The following GATA4 variants were observed in gnomAD, a reference collection of about 807,000 sequenced individuals.
GATA4 encodes GATA binding protein 4, also known as transcription factor GATA-4.
Under a neutral mutation model 37.9 loss-of-function variants are expected in GATA4, and 7 were observed. That is an observed-to-expected ratio of 0.18 (90% confidence interval 0.11 to 0.35). The LOEUF (loss-of-function observed/expected upper bound fraction) is 0.35, where lower values mean the gene tolerates loss of function less well. GATA4 is among the 10% of genes least tolerant of loss of function. GATA4 has a pLI of 1.00. For synonymous variants in GATA4, 372 were observed against 292.6 expected (o/e 1.27, Z -2.77); for missense variants, 647 against 653.0 (o/e 0.99, Z 0.10).
intron 2 of GATA4, among the ~76,000 whole-genome samples, chr8:11,726,899 C>T (rs1382124474): frequency 2.0e-5 from 3 of 152,182 alleles, no homozygotes; most frequent in Non-Finnish European, 4.4e-5. Context: ...CTTTCCCTGC[C>T]AGCTTGCAGA....
At chr8:11,725,434 A>C (rs1014837192) in intron 2 of GATA4, among the ~76,000 whole-genome samples, 23 of 152,376 alleles carry the variant, frequency 1.5e-4, no homozygotes, top group African/African-American at 5.3e-4. Flanking sequence ...CCCCACCTTC[A>C]GAAGCCTCCG....
intron 2 of GATA4, among the ~76,000 whole-genome samples, chr8:11,741,727 C>G (rs942655008): frequency 6.6e-6 from 1 of 152,202 alleles, no homozygotes; most frequent in Non-Finnish European, 1.5e-5. Flanking sequence ...GGCCAGGAAG[C>G]GTTTCCCAAG....
rs533331682 is a variant in GATA4, at chr8:11,708,358, G to T, written c.46G>T (p.Gly16Cys). Residue 16 changes from glycine (G) to cysteine (C), a missense_variant, in exon 2 of 7, where the codon GGT (glycine) becomes TGT (cysteine). Gly to Cys is a radical substitution (Grantham distance 159). Transcript: ENST00000532059. This position sits in a 1 kb window ranked among gnomAD's most constrained non-coding sequence, Gnocchi z 6.7. ...AMAANHGPPP[G>C]AYEAGGPGAF... ...GGCCGCCAACCACGGGCCGCCCCCC[G>T]GTGCCTACGAGGCGGGCGGCCCCGG... 3 of 1,580,642 alleles carry T rather than the reference G, an allele frequency of 1.9e-6. No homozygotes were observed. The African/African-American group carries it at 4.0e-5, about 21-fold the overall frequency.
chr8:11,693,199 C>G, intron 1 of GATA4: 1 of 648,364 alleles, frequency 1.5e-6, no homozygotes, highest in Non-Finnish European at 1.9e-6. Flanking sequence ...GGCGCGGTGG[C>G]GCATATTTGT....
At chr8:11,727,938 TA>T (rs1352557564) in intron 2 of GATA4, among the ~76,000 whole-genome samples, 2 of 152,242 alleles carry the variant, frequency 1.3e-5, no homozygotes, top group African/African-American at 4.8e-5. Context: ...ATATTATTCA[TA>T]AAGCATAGTA....
upstream of GATA4, among the ~76,000 whole-genome samples, chr8:11,690,693 G>A (rs186446430): frequency 1.3e-5 from 2 of 152,244 alleles, no homozygotes; most frequent in Admixed American, 1.3e-4. Context: ...AACATAGTGA[G>A]ACCCCGTCTT....
chr8:11,680,484 T>C, intron 1 of GATA4: 2 of 985,482 alleles, frequency 2.0e-6, no homozygotes, highest in Non-Finnish European at 2.4e-6. Flanking sequence ...TTTGGATGCA[T>C]TTCGATCAAT....
intron 1 of GATA4, chr8:11,697,501 G>C (rs967823244): frequency 9.4e-6 from 9 of 958,318 alleles, no homozygotes; most frequent in Non-Finnish European, 1.1e-5. Context: ...CTCTCGGTGG[G>C]CACCTGCTGC....
rs1204468013 is a variant in GATA4, at chr8:11,707,626, C to A, written c.-457-230C>A. ...AACTGCACACCAAAGACCCGGGAAGCCCCTGGTCCCTGGGGCGCCTCTCCC... is the reference window on the plus strand; with the variant it reads ...AACTGCACACCAAAGACCCGGGAAGACCCTGGTCCCTGGGGCGCCTCTCCC... On this transcript the variant is annotated intron_variant, in intron 1 of 6. Transcript: ENST00000532059. This position sits in a 1 kb window ranked among gnomAD's most constrained non-coding sequence, Gnocchi z 4.7. Among the ~76,000 whole-genome samples, 1 of 152,188 alleles carries A rather than the reference C, an allele frequency of 6.6e-6. No homozygotes were observed. Among genetic ancestry groups the A allele is most frequent in the African/African-American group, 2.4e-5 (1 of 41,458 alleles).
rs147958528 is a variant in GATA4, at chr8:11,758,295, G to A, written c.1152G>A (p.Thr384=). 9.2e-5 allele frequency: 148 copies of A among 1,614,090 alleles called. No homozygotes were observed. Among genetic ancestry groups the A allele is most frequent in the Middle Eastern group, 1.7e-4 (1 of 6,056 alleles). The change falls in exon 7 of 7, where the codon ACG becomes ACA. Residue 384 remains threonine (T), a splice_region_variant and synonymous_variant. Coordinates refer to ENST00000532059, the MANE Select transcript of GATA4 (RefSeq NM_001308093.3). ...HYGHSSSVSQ[T]FSVSAMSGHG... ...ATCGTGTGCTTTCTGCTTTTCAGACGTTCTCAGTCAGTGCGATGTCTGGCC... is the reference window on the plus strand; with the variant it reads ...ATCGTGTGCTTTCTGCTTTTCAGACATTCTCAGTCAGTGCGATGTCTGGCC...
chr8:11,683,322 C>G (rs1256435254), intron 1 of GATA4, among the ~76,000 whole-genome samples: 1 of 152,176 alleles, frequency 6.6e-6, no homozygotes, highest in Non-Finnish European at 1.5e-5. Flanking sequence ...GAGTTTTGTG[C>G]TAAATCAAAA....
At chr8:11,712,718 G>T (rs1446859661) in intron 2 of GATA4, among the ~76,000 whole-genome samples, 1 of 143,194 alleles carries the variant, frequency 7.0e-6, no homozygotes, top group African/African-American at 2.6e-5. Context: ...AAAATTAACT[G>T]GGCATGGTAA....
At chr8:11,740,204 A>C (rs1801660093) in intron 2 of GATA4, among the ~76,000 whole-genome samples, 1 of 152,102 alleles carries the variant, frequency 6.6e-6, no homozygotes, top group Non-Finnish European at 1.5e-5. Context: ...GCTTTTCTGG[A>C]AGGGGGCAAG....
chr8:11,752,031 T>C (rs1440846280), intron 4 of GATA4, among the ~76,000 whole-genome samples: 1 of 152,160 alleles, frequency 6.6e-6, no homozygotes, highest in Non-Finnish European at 1.5e-5. Flanking sequence ...AGAAACAACC[T>C]TAAAACCCCA....
chr8:11,751,292 C>T (rs1802289528), intron 4 of GATA4, among the ~76,000 whole-genome samples: 1 of 152,032 alleles, frequency 6.6e-6, no homozygotes, highest in Non-Finnish European at 1.5e-5. Context: ...GCAAGGTGCC[C>T]AACACTACCT....
chr8:11,706,465 A>G (rs144636117), intron 1 of GATA4, among the ~76,000 whole-genome samples: 1 of 152,332 alleles, frequency 6.6e-6, no homozygotes, highest in Admixed American at 6.5e-5. Context: ...TGTTTTACAA[A>G]TATTAATTTA....
Position 11,708,846 on chromosome 8 carries a change from C to A in GATA4, c.534C>A (p.Ala178=). The change falls in exon 2 of 7, where the codon GCC becomes GCA. Residue 178 remains alanine (A), a synonymous_variant. Transcript: ENST00000532059. The surrounding 1 kb of genome is among the most constrained non-coding windows in gnomAD (Gnocchi z 6.7). ...GCGCGTCCTGGGCCGCAGCCGCCGC[C>A]GCCTCCGCCGGCCCCTTCGACAGCC... The part of the protein sequence containing the change: ...DVGASWAAAA[A]ASAGPFDSPV... The A allele has an allele frequency of 4.7e-6, 7 of 1,498,810 alleles. No individual in the cohort carries two copies. Among genetic ancestry groups the A allele is most frequent in the Non-Finnish European group, 6.2e-6 (7 of 1,131,882 alleles). The allele number at this position is 1,498,810 out of a possible 1,614,324, so 92.8% of individuals were successfully genotyped here. A position where few individuals can be genotyped will look rare whatever the true frequency, so the allele number is the denominator to read the frequency against.
intron 1 of GATA4, among the ~76,000 whole-genome samples, chr8:11,693,544 CACACACACACACACACACAGAG>C (rs1291193517): frequency 8.8e-5 from 10 of 113,834 alleles, no homozygotes; most frequent in Admixed American, 2.8e-4. Flanking sequence ...CACACACACA[CACACACACACACACACACAGAG>C]AGAGAGAGAG....
At position 11,708,352 on chromosome 8, in the gene GATA4, C is replaced by A; in HGVS notation, c.40C>A (p.Pro14Thr). The A allele has an allele frequency of 1.9e-6, 3 of 1,581,944 alleles. No individual in the cohort carries two copies. Among genetic ancestry groups the A allele is most frequent in the Non-Finnish European group, 2.6e-6 (3 of 1,172,042 alleles). The change falls in exon 2 of 7, where the codon CCC becomes ACC. Residue 14 changes from proline to threonine, a missense_variant. Pro to Thr is a conservative substitution (Grantham distance 38, BLOSUM62 -1). This residue lies in a region of GATA4 where 379 missense variants were observed against 334.5 expected (regional missense o/e 1.13). Coordinates refer to ENST00000532059, the MANE Select transcript of GATA4 (RefSeq NM_001308093.3). This position sits in a 1 kb window ranked among gnomAD's most constrained non-coding sequence, Gnocchi z 6.7. Reference protein sequence around the residue: ...SLAMAANHGPPPGAYEAGGPG... With the variant: ...SLAMAANHGPTPGAYEAGGPG... ...GGCCATGGCCGCCAACCACGGGCCG[C>A]CCCCCGGTGCCTACGAGGCGGGCGG...
Sources: gnomAD v4.1 joint callset for allele counts (sites outside exome capture counted in the v4.1 genomes callset) on GRCh38, gnomAD v4.1.1 for gene constraint, gnomAD v4.1.1 regional missense constraint, Gnocchi (gnomAD v3.1) non-coding constraint, MANE v1.5 for transcripts, NCBI Gene and HGNC (gene_info 2026-07-23, HGNC 2026-07-21) for gene names.